EYA1: variants seen among roughly 807,000 people sequenced by gnomAD.
The protein encoded by EYA1 is EYA transcriptional coactivator and phosphatase 1.
A neutral mutation model predicts 82.0 loss-of-function variants in EYA1; 16 were observed. That is an observed-to-expected ratio of 0.20 (90% CI 0.13 to 0.30). The LOEUF (loss-of-function observed/expected upper bound fraction) is 0.30. Ranked by LOEUF, EYA1 falls within the 10% of genes least tolerant of loss-of-function variation. EYA1 has a pLI of 1.00. For missense variants in EYA1, 633 were observed against 730.7 expected, an observed-to-expected ratio of 0.87 and a Z score of 1.54; for synonymous variants, 261 against 264.4, an observed-to-expected ratio of 0.99 and a Z score of 0.12.
intron 2 of EYA1, among the ~76,000 whole-genome samples, chr8:71,414,513 C>G (rs1830760783): frequency 6.6e-6 from 1 of 152,160 alleles, no homozygotes; most frequent in African/African-American, 2.4e-5. Context: ...GGTTTATCAC[C>G]CTTCTCTCCA....
intron 7 of EYA1, among the ~76,000 whole-genome samples, chr8:71,308,020 G>A (rs1820915597): frequency 1.3e-5 from 2 of 152,128 alleles, no homozygotes; most frequent in Non-Finnish European, 2.9e-5. Flanking sequence ...ATTTTCTGAG[G>A]TTATTTCCAA....
At chr8:71,279,437 T>C (rs1007152053) in intron 9 of EYA1, among the ~76,000 whole-genome samples, 7 of 152,116 alleles carry the variant, frequency 4.6e-5, no homozygotes, top group African/African-American at 1.7e-4. Flanking sequence ...TGTAGAGAGG[T>C]TGAAATCTAA....
At chr8:71,256,042 C>CAA (rs149950709) in intron 11 of EYA1, among the ~76,000 whole-genome samples, 1 of 151,902 alleles carries the variant, frequency 6.6e-6, no homozygotes, top group African/African-American at 2.4e-5. Context: ...TATCAGAAAA[C>CAA]AAAAAACAGA....
At chr8:71,433,388 A>G (rs566511136) in intron 2 of EYA1, among the ~76,000 whole-genome samples, 4 of 152,352 alleles carry the variant, frequency 2.6e-5, no homozygotes, top group African/African-American at 9.6e-5. Flanking sequence ...TATAACATGA[A>G]TGATTTTAAA....
At chr8:71,489,785 G>A (rs917347036) in intron 2 of EYA1, among the ~76,000 whole-genome samples, 1 of 152,244 alleles carries the variant, frequency 6.6e-6, no homozygotes, top group Non-Finnish European at 1.5e-5. Context: ...ATGTCATAGA[G>A]AACGACATGT....
intron 9 of EYA1, among the ~76,000 whole-genome samples, chr8:71,293,166 A>T (rs951492325): frequency 1.3e-5 from 2 of 152,174 alleles, no homozygotes; most frequent in African/African-American, 4.8e-5. Context: ...ACAATTCTAT[A>T]TCCACAAATT....
chr8:71,235,595 C>A (rs28660411), intron 12 of EYA1, among the ~76,000 whole-genome samples: 3,744 of 152,188 alleles, frequency 0.025, 144 homozygotes, highest in African/African-American at 0.086. Flanking sequence ...TCTCTGCCTG[C>A]AAGTGTTTTG....
At position 71,216,977 on chromosome 8, in the gene EYA1, C is replaced by G; in HGVS notation, c.1187G>C (p.Gly396Ala). Residue 396 changes from glycine to alanine, a missense_variant, in exon 13 of 18, where the codon GGA becomes GCA. By Grantham distance (60) the Gly-to-Ala change is moderately conservative (BLOSUM62 0). Coordinates refer to ENST00000340726, the MANE Select transcript of EYA1 (RefSeq NM_000503.6). ...HIDDVSSDDN[G>A]QDLSTYNFGT... is the part of the protein sequence containing the mutation. ...CAAGGGTGCTCACCTTAGGTCCTGT[C>G]CGTTATCATCTGAAGAAACATCATC... 1 of 1,613,750 alleles carries G rather than the reference C, an allele frequency of 6.2e-7. No individual in the cohort carries two copies. Among genetic ancestry groups the G allele is most frequent in the Non-Finnish European group, 8.5e-7 (1 of 1,179,644 alleles).
At chr8:71,428,805 T>C (rs894488544) in intron 2 of EYA1, among the ~76,000 whole-genome samples, 4 of 152,202 alleles carry the variant, frequency 2.6e-5, no homozygotes, top group South Asian at 2.1e-4. Context: ...CTCAGAGTCA[T>C]TGTGGCATTT....
chr8:71,304,358 A>G (rs1056458844), intron 7 of EYA1, among the ~76,000 whole-genome samples: 2 of 142,936 alleles, frequency 1.4e-5, no homozygotes, highest in Non-Finnish European at 3.2e-5. Flanking sequence ...ACCTGGCTCC[A>G]GAACTGACGC....
chr8:71,521,416 A>G (rs2129270603), intron 2 of EYA1, among the ~76,000 whole-genome samples: 1 of 152,280 alleles, frequency 6.6e-6, no homozygotes, highest in East Asian at 1.9e-4. Flanking sequence ...TGGGAATTAT[A>G]AATTATTTCC....
At chr8:71,522,676 T>C (rs1014705884) in intron 2 of EYA1, among the ~76,000 whole-genome samples, 1 of 151,074 alleles carries the variant, frequency 6.6e-6, no homozygotes, top group African/African-American at 2.4e-5. Flanking sequence ...TGGAGTGCAG[T>C]GGTGTGATCA....
At chr8:71,323,200 C>T (rs1329972519) in intron 4 of EYA1, among the ~76,000 whole-genome samples, 1 of 152,130 alleles carries the variant, frequency 6.6e-6, no homozygotes, top group East Asian at 1.9e-4. Flanking sequence ...CACATATTTA[C>T]GTTTATGGGT....
Position 71,356,798 on chromosome 8 carries a change from TC to T in EYA1, c.-54-288del, listed in dbSNP as rs1826930180. 11 of 1,079,430 alleles carry T rather than the reference TC, an allele frequency of 1.0e-5. No individual in the cohort carries two copies. The South Asian group carries it at 3.6e-4, about 36-fold the overall frequency. 66.9% of individuals were successfully genotyped at this position (1,079,430 alleles called of 1,614,324 possible). ...TGACAGCTGCAAATGGGATTACCCCTCCCCCAATCAACATGCAAAGCAGCCT... is the reference window on the plus strand; with the variant it reads ...TGACAGCTGCAAATGGGATTACCCCTCCCCAATCAACATGCAAAGCAGCCT... On this transcript the variant is annotated intron_variant, in intron 1 of 17. Transcript: ENST00000340726.
At chr8:71,273,262 A>C (rs941443586) in intron 9 of EYA1, among the ~76,000 whole-genome samples, 3 of 152,242 alleles carry the variant, frequency 2.0e-5, no homozygotes, top group Non-Finnish European at 2.9e-5. Context: ...TCACACCCAG[A>C]AACCACCATC....
At chr8:71,466,037 G>A (rs1426593326) in intron 2 of EYA1, among the ~76,000 whole-genome samples, 2 of 152,128 alleles carry the variant, frequency 1.3e-5, no homozygotes, top group African/African-American at 4.8e-5. Context: ...GAAATATTTT[G>A]CTCTGGAAAG....
chr8:71,442,033 C>T (rs1187909349), intron 2 of EYA1, among the ~76,000 whole-genome samples: 3 of 152,186 alleles, frequency 2.0e-5, no homozygotes, highest in Non-Finnish European at 4.4e-5. Flanking sequence ...AACTTGCCAG[C>T]TTCCGGAACT....
chr8:71,448,009 C>A (rs889855657), intron 2 of EYA1, among the ~76,000 whole-genome samples: 6 of 70,846 alleles, frequency 8.5e-5, no homozygotes, highest in East Asian at 8.9e-4. Flanking sequence ...TGTTTAAGAG[C>A]TTTTTTTTTT....
chr8:71,356,367 T>C (rs1348237672), intron 2 of EYA1, 95 bp downstream of exon 2: 1 of 1,056,016 alleles, frequency 9.5e-7, no homozygotes, highest in East Asian at 2.6e-5. Context: ...AGGCTGTTAC[T>C]ATTAATAGAA....
Sources: allele counts gnomAD v4.1 joint callset (sites outside exome capture counted in the v4.1 genomes callset), GRCh38; gene constraint gnomAD v4.1.1; transcripts MANE v1.5; gene names NCBI Gene and HGNC (gene_info 2026-07-23, HGNC 2026-07-21).